The following STPG2 variants were observed in gnomAD, a reference collection of about 807,000 sequenced individuals.
The protein encoded by STPG2 is sperm-tail PG-rich repeat-containing protein 2.
In STPG2, 56 loss-of-function variants were observed where a neutral mutation model predicts 54.2. The observed-to-expected ratio is 1.03, with a 90% CI of 0.83 to 1.29. STPG2 has a LOEUF of 1.29. Among genes scored for constraint, STPG2 ranks in the 50% most tolerant of loss-of-function variants. The pLI, the probability that STPG2 is intolerant of heterozygous loss-of-function variation, is 0.00. For synonymous variants in STPG2, 200 were observed against 181.8 expected, an observed-to-expected ratio of 1.10 and a Z score of -0.81; for missense variants, 596 against 544.9, an observed-to-expected ratio of 1.09 and a Z score of -0.93.
At chr4:97,546,162 T>C (rs916715314) in intron 4 of STPG2, among the ~76,000 whole-genome samples, 3 of 151,678 alleles carry the variant, frequency 2.0e-5, no homozygotes, top group African/African-American at 7.3e-5. Flanking sequence ...GAGGCATACT[T>C]TATGATAAAA....
chr4:97,952,038 A>G (rs539675286), intron 7 of STPG2, among the ~76,000 whole-genome samples: 1 of 152,098 alleles, frequency 6.6e-6, no homozygotes, highest in South Asian at 2.1e-4. Context: ...CACACTCATG[A>G]CCCATTGTTC....
At chr4:97,622,392 C>G (rs1734034840) in intron 10 of STPG2, among the ~76,000 whole-genome samples, 1 of 151,986 alleles carries the variant, frequency 6.6e-6, no homozygotes, top group Non-Finnish European at 1.5e-5. Flanking sequence ...AGTCTCTGCC[C>G]AAAAGTTTCT....
In STPG2 at chr4:98,109,305, C is replaced by A. The variant is rs547499253; in HGVS notation, c.388G>T (p.Asp130Tyr). The change falls in exon 4 of 11, where the codon GAT becomes TAT. Residue 130 changes from aspartate to tyrosine, a missense_variant and splice_region_variant. By Grantham distance (160) the Asp-to-Tyr change is radical. Transcript: ENST00000295268. Reference sequence around the variant, plus strand: ...TATTTCAAAGTTGCATTGGAAACATCCTAAAAAATAAAAAGTTTTAAAAAG... The same window carrying A: ...TATTTCAAAGTTGCATTGGAAACATACTAAAAAATAAAAAGTTTTAAAAAG... The part of the protein sequence containing the change: ...LGPAYYKPQF[D>Y]VSNATLKYKG... The A allele has an allele frequency of 3.6e-5, 57 of 1,588,634 alleles. No individual in the cohort carries two copies. In the South Asian group the frequency reaches 6.0e-4, roughly 17 times the overall value.
intron 10 of STPG2, among the ~76,000 whole-genome samples, chr4:97,588,920 T>C (rs1010754830): frequency 1.3e-5 from 2 of 152,104 alleles, no homozygotes; most frequent in African/African-American, 4.8e-5. Flanking sequence ...TAGTTTTACA[T>C]AACCCACACA....
chr4:97,756,310 T>C (rs541887231), intron 9 of STPG2, among the ~76,000 whole-genome samples: 1 of 152,190 alleles, frequency 6.6e-6, no homozygotes, highest in Admixed American at 6.6e-5. Flanking sequence ...AGTTTTGTTT[T>C]GTTTTTGTTT....
intron 10 of STPG2, among the ~76,000 whole-genome samples, chr4:97,702,422 C>T (rs1195341116): frequency 6.6e-6 from 1 of 152,146 alleles, no homozygotes; most frequent in South Asian, 2.1e-4. Flanking sequence ...TCAAGTGTAA[C>T]ACACCTTCTC....
At chr4:97,905,269 T>C (rs573925626) in intron 8 of STPG2, among the ~76,000 whole-genome samples, 24 of 152,154 alleles carry the variant, frequency 1.6e-4, no homozygotes, top group Admixed American at 6.5e-4. Context: ...CGGCAGAAAC[T>C]CTACAAGCCA....
intron 9 of STPG2, among the ~76,000 whole-genome samples, chr4:97,721,963 A>G (rs949245073): frequency 6.6e-6 from 1 of 152,036 alleles, no homozygotes; most frequent in Non-Finnish European, 1.5e-5. Flanking sequence ...CATGAAATAT[A>G]TCAATAAAAA....
chr4:97,642,928 C>T (rs1721805162), intron 10 of STPG2, among the ~76,000 whole-genome samples: 1 of 151,450 alleles, frequency 6.6e-6, no homozygotes, highest in Non-Finnish European at 1.5e-5. Context: ...AGCTGAAGAG[C>T]TCTGGAACTT....
intron 10 of STPG2, among the ~76,000 whole-genome samples, chr4:97,636,424 T>G (rs1478941467): frequency 7.2e-6 from 1 of 138,982 alleles, no homozygotes; most frequent in African/African-American, 2.7e-5. Flanking sequence ...ACATCACAAT[T>G]AAAAGAACTA....
chr4:97,547,072 T>A (rs1003260020), intron 4 of STPG2, among the ~76,000 whole-genome samples: 1 of 152,170 alleles, frequency 6.6e-6, no homozygotes, highest in Non-Finnish European at 1.5e-5. Flanking sequence ...AGCAGTTGCA[T>A]GTGTAGATTC....
At chr4:97,733,075 C>T (rs1724859301) in intron 9 of STPG2, among the ~76,000 whole-genome samples, 1 of 152,002 alleles carries the variant, frequency 6.6e-6, no homozygotes, top group South Asian at 2.1e-4. Flanking sequence ...ATCCAGCAAT[C>T]CCACTACTGG....
At position 97,984,161 on chromosome 4, in the gene STPG2, T is replaced by C. The variant is rs147959736; in HGVS notation, c.613-2843A>G. On this transcript the variant is annotated intron_variant, in intron 5 of 10. Transcript: ENST00000295268. ...TTAAGAATTTGTTTCCAATTCTTCTTTTTTTCTTTTTTTCTGAGACAGAGT... is the reference window on the plus strand; with the variant it reads ...TTAAGAATTTGTTTCCAATTCTTCTCTTTTTCTTTTTTTCTGAGACAGAGT... Among the ~76,000 whole-genome samples the C allele has an allele frequency of 3.4e-3, 516 of 152,236 alleles. 2 individuals are homozygous for C. Among genetic ancestry groups the C allele is most frequent in the Middle Eastern group, 6.8e-3 (2 of 294 alleles).
At position 98,004,006 on chromosome 4, in the gene STPG2, GTA is replaced by G. The variant is rs1452697553; in HGVS notation, c.613-22690_613-22689del. ...ACCTCACATAACTACGTGTGTGTGT[GTA>G]TGTGTGTGTGTGGTGAGAACAATTA... On this transcript the variant is annotated intron_variant, in intron 5 of 10. Coordinates refer to ENST00000295268, the MANE Select transcript of STPG2 (RefSeq NM_174952.3). Among the ~76,000 whole-genome samples, 7 of 148,622 alleles carry G rather than the reference GTA, an allele frequency of 4.7e-5. No homozygotes were observed. The East Asian group carries it at 5.9e-4, about 12-fold the overall frequency.
intron 5 of STPG2, among the ~76,000 whole-genome samples, chr4:98,046,149 A>T (rs1175376464): frequency 6.7e-6 from 1 of 150,292 alleles, no homozygotes; most frequent in Non-Finnish European, 1.5e-5. Flanking sequence ...GCTATTGAAC[A>T]TCTCCACTGA....
intron 5 of STPG2, among the ~76,000 whole-genome samples, chr4:97,985,189 G>A (rs1734792340): frequency 6.6e-6 from 1 of 152,050 alleles, no homozygotes; most frequent in African/African-American, 2.4e-5. Context: ...TATTTTAGAT[G>A]CTAAGTATAA....
At chr4:97,967,785 G>A (rs1392440378) in intron 7 of STPG2, among the ~76,000 whole-genome samples, 6 of 152,170 alleles carry the variant, frequency 3.9e-5, no homozygotes, top group Non-Finnish European at 5.9e-5. Flanking sequence ...AATGAAGGCA[G>A]AAATAAAGAT....
intron 9 of STPG2, among the ~76,000 whole-genome samples, chr4:97,814,779 A>C (rs1402870422): frequency 6.6e-6 from 1 of 152,134 alleles, no homozygotes; most frequent in Non-Finnish European, 1.5e-5. Flanking sequence ...CTCCCAGCCT[A>C]CATCTTTCTC....
chr4:97,817,801 T>G (rs1483901521), intron 9 of STPG2, among the ~76,000 whole-genome samples: 1 of 151,926 alleles, frequency 6.6e-6, no homozygotes, highest in Non-Finnish European at 1.5e-5. Flanking sequence ...TTTCTATATT[T>G]TCTTAAAATT....
Sources: allele counts gnomAD v4.1 joint callset (sites outside exome capture counted in the v4.1 genomes callset), GRCh38; gene constraint gnomAD v4.1.1; transcripts MANE v1.5; gene names NCBI Gene and HGNC (gene_info 2026-07-23, HGNC 2026-07-21).